Variants in RYK observed in about 807,000 individuals in gnomAD.
RYK encodes receptor like tyrosine kinase.
In RYK, 21 loss-of-function variants were observed where a neutral mutation model predicts 70.2. The ratio of observed to expected loss-of-function variants is 0.30; its 90% CI spans 0.21 to 0.43. The LOEUF (loss-of-function observed/expected upper bound fraction) is 0.43, where lower values mean the gene tolerates loss of function less well. RYK is among the 20% of genes least tolerant of loss of function. RYK has a pLI of 1.00. For missense variants in RYK, 604 were observed against 753.3 expected (o/e 0.80, Z 2.32); for synonymous variants, 267 against 278.0 (o/e 0.96, Z 0.39).
intron 10 of RYK, chr3:134,180,361 A>G (rs932665828): frequency 6.6e-6 from 1 of 152,264 alleles, no homozygotes; most frequent in African/African-American, 2.4e-5. Context: ...GTGAAAAGAA[A>G]GGATTTCAAA....
chr3:134,211,497 C>G lies in RYK; in HGVS notation c.454+11G>C, dbSNP rs771828732. On this transcript the variant is annotated intron_variant, in intron 3 of 14. Coordinates refer to ENST00000623711, the MANE Select transcript of RYK (RefSeq NM_002958.4). ...AGTATGTTAACTCTGTCTTTGAAGA[C>G]TCTTACTTACCTGATAAAGTGCGTG... is the stretch of plus-strand genomic sequence containing the variant. The G allele has an allele frequency of 1.3e-6, 2 of 1,592,014 alleles. No individual in the cohort carries two copies. The highest frequency in any genetic ancestry group is 2.7e-5 in the African/African-American group (2 of 74,270).
At chr3:134,224,172 A>T (rs546060052) in intron 1 of RYK, among the ~76,000 whole-genome samples, 1 of 152,144 alleles carries the variant, frequency 6.6e-6, no homozygotes, top group Non-Finnish European at 1.5e-5. Flanking sequence ...CAAGATGTGG[A>T]GACCGGTAGT....
chr3:134,203,850 G>C (rs2014109322), intron 5 of RYK, among the ~76,000 whole-genome samples: 1 of 152,148 alleles, frequency 6.6e-6, no homozygotes, highest in African/African-American at 2.4e-5. Flanking sequence ...TCAAATATAA[G>C]TACAACTAAA....
chr3:134,192,129 T>C (rs965232307), intron 7 of RYK, 155 bp from the exon 8 acceptor site: 10 of 666,030 alleles, frequency 1.5e-5, no homozygotes, highest in Middle Eastern at 2.5e-4. Flanking sequence ...GGAGAGTTAT[T>C]TGAAGGCCAC....
At chr3:134,184,205 T>C (rs980454447) in intron 9 of RYK, among the ~76,000 whole-genome samples, 3 of 152,242 alleles carry the variant, frequency 2.0e-5, no homozygotes, top group Non-Finnish European at 4.4e-5. Flanking sequence ...ATTAGAATTA[T>C]GCCATTTTAG....
intron 5 of RYK, 38 bp from the exon 6 acceptor site, chr3:134,202,912 C>CATTT (rs748196219): frequency 2.5e-6 from 4 of 1,572,878 alleles, no homozygotes; most frequent in Middle Eastern, 1.7e-4. Flanking sequence ...GCTTTTTAAA[C>CATTT]AAATATGACT....
intron 2 of RYK, among the ~76,000 whole-genome samples, chr3:134,212,816 G>A (rs1473915279): frequency 4.6e-5 from 7 of 152,146 alleles, no homozygotes; most frequent in Admixed American, 4.6e-4. Flanking sequence ...TGAATAAGAA[G>A]GGCTCAGTCC....
At chr3:134,188,575 T>C (rs1201911487) in intron 9 of RYK, among the ~76,000 whole-genome samples, 1 of 152,230 alleles carries the variant, frequency 6.6e-6, no homozygotes, top group Non-Finnish European at 1.5e-5. Flanking sequence ...TGGATGCAGT[T>C]TGACTTGCAA....
At chr3:134,185,140 AATT>A (rs2013421296) in intron 9 of RYK, among the ~76,000 whole-genome samples, 2 of 111,864 alleles carry the variant, frequency 1.8e-5, no homozygotes, top group Admixed American at 1.7e-4. Flanking sequence ...TCTATAAATT[AATT>A]AATTAATTAA....
chr3:134,159,163 A>C, intron 14 of RYK, 74 bp downstream of exon 14: 1 of 1,481,738 alleles, frequency 6.7e-7, no homozygotes, highest in Non-Finnish European at 9.4e-7. Context: ...TGAATATGGA[A>C]ACCTGCTCTT....
intron 1 of RYK, among the ~76,000 whole-genome samples, chr3:134,232,502 G>GAAC (rs1024284985): frequency 2.0e-5 from 3 of 152,132 alleles, no homozygotes; most frequent in African/African-American, 7.2e-5. Flanking sequence ...AAATGCCTAT[G>GAAC]AACACCTAAT....
intron 5 of RYK, among the ~76,000 whole-genome samples, chr3:134,204,526 A>G (rs193096388): frequency 6.8e-4 from 103 of 151,794 alleles, no homozygotes; most frequent in African/African-American, 2.4e-3. Context: ...AAATAAATAT[A>G]TAAATAAGAG....
At chr3:134,224,325 T>C (rs2014824843) in intron 1 of RYK, among the ~76,000 whole-genome samples, 1 of 152,098 alleles carries the variant, frequency 6.6e-6, no homozygotes, top group Non-Finnish European at 1.5e-5. Context: ...CCCTATTTGG[T>C]AGCTGAGGTG....
intron 1 of RYK, among the ~76,000 whole-genome samples, chr3:134,227,348 C>T (rs1488921114): frequency 6.6e-6 from 1 of 152,038 alleles, no homozygotes. Flanking sequence ...TGTCAAGTCT[C>T]TCATATTGAT....
intron 4 of RYK, among the ~76,000 whole-genome samples, chr3:134,208,962 C>A (rs531880687): frequency 1.1e-4 from 16 of 152,000 alleles, no homozygotes; most frequent in African/African-American, 3.4e-4. Context: ...ATTCTACCTA[C>A]GTGACCTTGT....
At chr3:134,208,395 G>A (rs1001866783) in intron 4 of RYK, among the ~76,000 whole-genome samples, 9 of 152,148 alleles carry the variant, frequency 5.9e-5, no homozygotes, top group African/African-American at 2.2e-4. Context: ...AGGTGGCCAA[G>A]GGTCCAATCT....
intron 9 of RYK, among the ~76,000 whole-genome samples, chr3:134,186,618 A>C (rs544228553): frequency 6.6e-6 from 1 of 152,370 alleles, no homozygotes; most frequent in African/African-American, 2.4e-5. Context: ...GAACATTATA[A>C]TTACAGTGGT....
chr3:134,159,570 T>C (rs931784624), intron 13 of RYK, among the ~76,000 whole-genome samples, 197 bp from the exon 14 acceptor site: 3 of 152,244 alleles, frequency 2.0e-5, no homozygotes, highest in Non-Finnish European at 4.4e-5. Flanking sequence ...CCAATATTAG[T>C]ATTATAAATT....
intron 2 of RYK, among the ~76,000 whole-genome samples, chr3:134,220,234 T>C (rs1256309541): frequency 2.0e-5 from 3 of 152,216 alleles, no homozygotes; most frequent in Non-Finnish European, 2.9e-5. Flanking sequence ...TCCAGACTGA[T>C]AGGGAACTAA....
Sources: gnomAD v4.1 joint callset for allele counts (sites outside exome capture counted in the v4.1 genomes callset) on GRCh38, gnomAD v4.1.1 for gene constraint, MANE v1.5 for transcripts, NCBI Gene and HGNC (gene_info 2026-07-23, HGNC 2026-07-21) for gene names.